CSMD2: variants seen among roughly 807,000 people sequenced by gnomAD.
The protein encoded by CSMD2 is CUB and Sushi multiple domains 2.
Under a neutral mutation model 398.5 loss-of-function variants are expected in CSMD2, and 130 were observed. The observed-to-expected ratio is 0.33, with a 90% CI of 0.28 to 0.38. CSMD2 has a LOEUF of 0.38. Ranked by LOEUF, CSMD2 falls within the 10% of genes least tolerant of loss-of-function variation. CSMD2 has a pLI of 1.00. For missense variants in CSMD2, 3,829 were observed against 4,764.9 expected, an observed-to-expected ratio of 0.80 and a Z score of 5.78; for synonymous variants, 1,828 against 1,908.5, an observed-to-expected ratio of 0.96 and a Z score of 1.10.
chr1:33,949,800 G>A (rs1644948209), intron 3 of CSMD2, among the ~76,000 whole-genome samples: 1 of 152,166 alleles, frequency 6.6e-6, no homozygotes, highest in African/African-American at 2.4e-5. Context: ...CCCAGGGTTA[G>A]TGACTCCTAA....
chr1:34,137,162 T>C (rs765270241), intron 1 of CSMD2, among the ~76,000 whole-genome samples: 7 of 151,796 alleles, frequency 4.6e-5, no homozygotes, highest in Non-Finnish European at 7.4e-5. Context: ...TCACCCACTA[T>C]CTCTATCCAT....
intron 25 of CSMD2, among the ~76,000 whole-genome samples, chr1:33,690,670 C>T (rs1171156722): frequency 6.6e-6 from 1 of 152,150 alleles, no homozygotes; most frequent in Non-Finnish European, 1.5e-5. Context: ...GTTCTCGATC[C>T]ACTCATTGTT....
chr1:33,707,738 CACACA>C (rs1303821938), intron 22 of CSMD2, among the ~76,000 whole-genome samples: 5 of 149,004 alleles, frequency 3.4e-5, no homozygotes, highest in Non-Finnish European at 6.0e-5. Context: ...CACACACACA[CACACA>C]CCATACACCC....
intron 25 of CSMD2, among the ~76,000 whole-genome samples, chr1:33,682,048 G>A (rs1644924479): frequency 6.6e-6 from 1 of 152,152 alleles, no homozygotes; most frequent in Non-Finnish European, 1.5e-5. Flanking sequence ...CAGTATTGCT[G>A]CGCTTCAATC....
chr1:33,611,257 G>C lies in CSMD2; in HGVS notation c.6134-7C>G. The stretch of plus-strand genomic sequence containing the variant: ...AGGAACTGGATGTGAGCTCCTGGGA[G>C]CAAGACAGAGGCAGACAGTGCCCAA... On this transcript the variant is annotated splice_polypyrimidine_tract_variant and splice_region_variant and intron_variant, in intron 40 of 70. Coordinates refer to ENST00000373381, the MANE Select transcript of CSMD2 (RefSeq NM_001281956.2). 1 of 1,612,240 alleles carries C rather than the reference G, an allele frequency of 6.2e-7. No homozygotes were observed. The highest frequency in any genetic ancestry group is 8.5e-7 in the Non-Finnish European group (1 of 1,178,736).
chr1:33,750,988 G>A (rs986322632), intron 13 of CSMD2, among the ~76,000 whole-genome samples: 2 of 152,074 alleles, frequency 1.3e-5, no homozygotes, highest in South Asian at 2.1e-4. Flanking sequence ...GACAAATGGA[G>A]AGAAAATATG....
At chr1:34,102,718 A>C (rs903740916) in intron 1 of CSMD2, among the ~76,000 whole-genome samples, 10 of 148,474 alleles carry the variant, frequency 6.7e-5, no homozygotes, top group Admixed American at 5.5e-4. Context: ...TGCATTTGCC[A>C]AGACTTCAGC....
At chr1:33,694,577 C>T (rs1416249418) in intron 24 of CSMD2, among the ~76,000 whole-genome samples, 1 of 152,170 alleles carries the variant, frequency 6.6e-6, no homozygotes, top group Non-Finnish European at 1.5e-5. Context: ...CTCTCTCCTG[C>T]TGCCTTGTAA....
rs778412668 is a variant in CSMD2 at position 33,572,530 on chromosome 1, G to T, written c.7738C>A (p.Arg2580Ser). 3.1e-6 allele frequency: 5 copies of T among 1,609,812 alleles called. No homozygotes were observed. Among genetic ancestry groups the T allele is most frequent in the Non-Finnish European group, 4.2e-6 (5 of 1,177,354 alleles). Residue 2580 changes from arginine to serine, a missense_variant, in exon 50 of 71, where the codon CGC becomes AGC. Around this residue, in one of 5 missense-constraint regions of CSMD2, gnomAD observed 723 missense variants for 758.6 expected, o/e 0.95. Transcript: ENST00000373381. The stretch of plus-strand genomic sequence containing the variant: ...CGGACACACTGTGGTGGGACATTGC[G>T]GTTGCTCCATAGGCCTGTGTCCAGA... ...ECLDTGLWSN[R>S]NVPPQCVPVT...
intron 3 of CSMD2, among the ~76,000 whole-genome samples, chr1:33,961,474 TGGTTCCAAGCAC>T (rs1645357942): frequency 1.3e-5 from 2 of 152,314 alleles, no homozygotes; most frequent in Admixed American, 1.3e-4. Context: ...TGTCATGGTG[TGGTTCCAAGCAC>T]GGTTCTGGAA....
rs370015766 is a variant in CSMD2 at position 34,088,952 on chromosome 1, A to G, written c.404+25T>C. On this transcript the variant is annotated intron_variant, in intron 2 of 70. Coordinates refer to ENST00000373381, the MANE Select transcript of CSMD2 (RefSeq NM_001281956.2). ...TTGGCTCATAGCCCAGCTGTTTGCT[A>G]CAGGGAAGGTGGGCAGCATGGTACC... 1.9e-6 allele frequency: 3 copies of G among 1,594,404 alleles called. No individual in the cohort carries two copies. In the African/African-American group the frequency reaches 4.0e-5, roughly 21 times the overall value.
Position 33,855,491 on chromosome 1 carries a change from T to C in CSMD2, c.921-8495A>G, listed in dbSNP as rs139480458. Reference sequence around the variant, plus strand: ...TGGGAAATGGTGTCCTAGCATCATTTCTTCCACTTCTGTTGCTGCCTCCCC... The same window carrying C: ...TGGGAAATGGTGTCCTAGCATCATTCCTTCCACTTCTGTTGCTGCCTCCCC... On this transcript the variant is annotated intron_variant, in intron 5 of 70. Coordinates refer to ENST00000373381, the MANE Select transcript of CSMD2 (RefSeq NM_001281956.2). 2.0e-5 allele frequency among the ~76,000 whole-genome samples: 3 copies of C among 152,248 alleles called. No homozygotes were observed. In the East Asian group the frequency reaches 5.8e-4, roughly 29 times the overall value.
At position 33,662,972 on chromosome 1, in the gene CSMD2, C is replaced by A; in HGVS notation, c.4173G>T (p.Leu1391=). 1 of 1,614,174 alleles carries A rather than the reference C, an allele frequency of 6.2e-7. No individual in the cohort carries two copies. The highest frequency in any genetic ancestry group is 8.5e-7 in the Non-Finnish European group (1 of 1,180,028). The change falls in exon 26 of 71, where the codon CTG becomes CTT. Residue 1391 remains leucine (L), a synonymous_variant. Transcript: ENST00000373381. ...GGACGACCGAGTTGAAGGTGCTATG[C>A]AGGTCCTTGGGCAGGGCCGGGCCAC... ...ELSGPALPKD[L]HSTFNSVVLQ...
At chr1:33,970,433 G>A (rs142269747) in intron 3 of CSMD2, among the ~76,000 whole-genome samples, 1 of 152,118 alleles carries the variant, frequency 6.6e-6, no homozygotes, top group Admixed American at 6.5e-5. Flanking sequence ...CCCGTAAAGT[G>A]AGGCCAGCTT....
chr1:33,557,690 C>A, intron 55 of CSMD2, 44 bp downstream of exon 55: 1 of 1,512,360 alleles, frequency 6.6e-7, no homozygotes, highest in Non-Finnish European at 8.9e-7. Context: ...TTCTTTGACA[C>A]GGGCCACCCC....
At chr1:34,165,354 C>T, upstream of CSMD2, 1 of 1,242,828 alleles carries the variant, frequency 8.0e-7, no homozygotes, top group Non-Finnish European at 1.0e-6. Flanking sequence ...GGATTAATCA[C>T]TCCGGAGCCG....
intron 1 of CSMD2, among the ~76,000 whole-genome samples, chr1:34,141,023 TATA>T (rs1274718303): frequency 6.6e-6 from 1 of 152,056 alleles, no homozygotes; most frequent in Admixed American, 6.5e-5. Flanking sequence ...CTCCTGTGAA[TATA>T]GGGCCTTTTG....
chr1:33,918,532 T>G (rs1643839481), intron 4 of CSMD2, among the ~76,000 whole-genome samples: 1 of 151,942 alleles, frequency 6.6e-6, no homozygotes, highest in Non-Finnish European at 1.5e-5. Flanking sequence ...GTTCACTAGA[T>G]GGAGAAGAGG....
chr1:33,581,354 TAAAAAA>T (rs35599517), intron 47 of CSMD2, among the ~76,000 whole-genome samples: 11 of 84,218 alleles, frequency 1.3e-4, no homozygotes, highest in Non-Finnish European at 2.1e-4. Context: ...CCATCTTTAC[TAAAAAA>T]AAAAAAAAAA....
Sources: gnomAD v4.1 joint callset for allele counts (sites outside exome capture counted in the v4.1 genomes callset) on GRCh38, gnomAD v4.1.1 for gene constraint, gnomAD v4.1.1 regional missense constraint, MANE v1.5 for transcripts, NCBI Gene and HGNC (gene_info 2026-07-23, HGNC 2026-07-21) for gene names.